Variants in AVIL observed in about 807,000 individuals in gnomAD.
The protein encoded by AVIL is advillin.
AVIL carries 78 observed loss-of-function variants against 109.9 expected under a neutral mutation model. The ratio of observed to expected loss-of-function variants is 0.71; its 90% CI spans 0.59 to 0.86. The LOEUF (loss-of-function observed/expected upper bound fraction) is 0.86, where lower values mean the gene tolerates loss of function less well. Ranked by LOEUF, AVIL falls within the 40% of genes least tolerant of loss-of-function variation. The pLI is 0.00. For synonymous variants in AVIL, 367 were observed against 379.1 expected (o/e 0.97, Z 0.37); for missense variants, 892 against 1,016.5 (o/e 0.88, Z 1.67).
rs1595170544 is a variant in AVIL at position 57,809,621 on chromosome 12, T to C, written c.915A>G (p.Lys305=). ...WKGKGATKAE[K]QAAMSKALGF... ...CCAGCGCTTTAGACATGGCTGCCTG[T>C]TTTTCAGCCTTTGTGGCTCCTTTTC... The change falls in exon 9 of 20, where the codon AAA becomes AAG. Residue 305 remains lysine, a synonymous_variant. Coordinates refer to ENST00000549994, the MANE Select transcript of AVIL (RefSeq NM_006576.4). 2 of 1,614,240 alleles carry C rather than the reference T, an allele frequency of 1.2e-6. No homozygotes were observed. The highest frequency in any genetic ancestry group is 1.7e-6 in the Non-Finnish European group (2 of 1,180,046).
chr12:57,799,224 A>G (rs976599194), intron 19 of AVIL, among the ~76,000 whole-genome samples: 1 of 152,202 alleles, frequency 6.6e-6, no homozygotes, highest in East Asian at 1.9e-4. Flanking sequence ...TGGGAGAAGG[A>G]TGTTTTTTCA....
At chr12:57,799,205 GTGA>G (rs1955796898) in intron 19 of AVIL, among the ~76,000 whole-genome samples, 1 of 152,200 alleles carries the variant, frequency 6.6e-6, no homozygotes, top group Non-Finnish European at 1.5e-5. Context: ...TGCTGGTGCT[GTGA>G]TGATTTGGGA....
intron 3 of AVIL, among the ~76,000 whole-genome samples, chr12:57,813,630 T>C (rs1956066314): frequency 6.6e-6 from 1 of 152,234 alleles, no homozygotes; most frequent in African/African-American, 2.4e-5. Context: ...CTCCCCGCAT[T>C]TGGGGAAAGT....
intron 14 of AVIL, chr12:57,806,130 C>T: frequency 5.0e-6 from 2 of 401,924 alleles, no homozygotes; most frequent in Middle Eastern, 7.3e-4. Flanking sequence ...CCACCGTGCC[C>T]AGCTTTTTTT....
chr12:57,809,364 G>A (rs577964875), intron 9 of AVIL, among the ~76,000 whole-genome samples: 3 of 152,346 alleles, frequency 2.0e-5, no homozygotes, highest in Admixed American at 2.0e-4. Flanking sequence ...TGACCCCCAT[G>A]TTAGATATGG....
chr12:57,810,686 A>C (rs1956025084), intron 6 of AVIL, 130 bp downstream of exon 6: 1 of 1,372,448 alleles, frequency 7.3e-7, no homozygotes, highest in Non-Finnish European at 1.0e-6. Flanking sequence ...TCACAAACTC[A>C]CACACTTGGC....
rs1044691898 is a variant in AVIL at position 57,797,694 on chromosome 12, T to C, written c.*188A>G. 5.6e-6 allele frequency: 4 copies of C among 713,800 alleles called. No homozygotes were observed. The South Asian group carries it at 2.1e-4, about 37-fold the overall frequency. 44.2% of individuals were successfully genotyped at this position (713,800 alleles called of 1,614,324 possible). On this transcript the variant is annotated 3_prime_UTR_variant, in exon 20 of 20. Coordinates refer to ENST00000549994, the MANE Select transcript of AVIL (RefSeq NM_006576.4). ...AACCCAAAAACTATATGGTTAACATTTTAGGTATATAACAAGCAAGGAATG... is the reference window on the plus strand; with the variant it reads ...AACCCAAAAACTATATGGTTAACATCTTAGGTATATAACAAGCAAGGAATG...
chr12:57,814,935 T>C (rs1281853395), intron 2 of AVIL: 2 of 152,374 alleles, frequency 1.3e-5, no homozygotes, highest in African/African-American at 2.4e-5. Context: ...AACCGTGTTT[T>C]AGTACTTGTT....
At chr12:57,807,880 CAT>C in intron 11 of AVIL, 153 bp from the exon 12 acceptor site, 1 of 1,115,330 alleles carries the variant, frequency 9.0e-7, no homozygotes, top group Non-Finnish European at 1.3e-6. Flanking sequence ...GGACTCATCA[CAT>C]TTGCATGATT....
Position 57,809,800 on chromosome 12 carries a change from A to G in AVIL, c.840+12T>C. On this transcript the variant is annotated intron_variant, in intron 8 of 19. Transcript: ENST00000549994. ...GGCTACCCCAAGCTAAGTCCACCCA[A>G]ACTCTACTTACATCATGGTTCAGTA... 6.2e-7 allele frequency: 1 copy of G among 1,614,040 alleles called. No individual in the cohort carries two copies. The highest frequency in any genetic ancestry group is 1.3e-5 in the African/African-American group (1 of 75,016).
chr12:57,814,829 T>C (rs2140461216), intron 2 of AVIL: 1 of 152,682 alleles, frequency 6.5e-6, no homozygotes, highest in East Asian at 1.9e-4. Context: ...TTGATGTAGA[T>C]TTTCATCACA....
chr12:57,801,036 G>T (rs1955836725), intron 18 of AVIL, 108 bp downstream of exon 18: 2 of 847,596 alleles, frequency 2.4e-6, no homozygotes, highest in Non-Finnish European at 3.8e-6. Context: ...GACAACTATG[G>T]TAATACTAAG....
rs778614635 is a variant in AVIL, at chr12:57,811,110, A to C, written c.356T>G (p.Val119Gly). ...CTCCACGTGCTTCATCCCAGAGGCG[A>C]CACCCCCCTGCTTGTAGCTAAGGGA... Reference protein sequence around the residue: ...KQGIIYKQGGVASGMKHVETN... With the variant: ...KQGIIYKQGGGASGMKHVETN... Residue 119 changes from valine to glycine, a missense_variant, in exon 5 of 20, where the codon GTC becomes GGC. Physicochemically the swap from Val to Gly is moderately radical, Grantham distance 109. Coordinates refer to ENST00000549994, the MANE Select transcript of AVIL (RefSeq NM_006576.4). The C allele has an allele frequency of 3.1e-6, 5 of 1,614,022 alleles. No homozygotes were observed. The highest frequency in any genetic ancestry group is 4.2e-6 in the Non-Finnish European group (5 of 1,180,012).
At chr12:57,803,455 G>A in intron 15 of AVIL, 64 bp from the exon 16 acceptor site, 1 of 1,613,584 alleles carries the variant, frequency 6.2e-7, no homozygotes, top group African/African-American at 1.3e-5. Context: ...TGAGGTTTTA[G>A]CCTTTGTGCA....
At chr12:57,800,358 T>G (rs561566643) in intron 18 of AVIL, 1 of 158,164 alleles carries the variant, frequency 6.3e-6, no homozygotes, top group Admixed American at 6.0e-5. Context: ...AAGGACAGAA[T>G]TGCCAGATGG....
rs189660976 is a variant in AVIL at position 57,803,397 on chromosome 12, A to G, written c.1818-6T>C. Reference sequence around the variant, plus strand: ...CTAGGATTTCCTGCTGAAGTCTGCAATATAGTCCATTTAAGGGCATCAAGC... The same window carrying G: ...CTAGGATTTCCTGCTGAAGTCTGCAGTATAGTCCATTTAAGGGCATCAAGC... On this transcript the variant is annotated splice_region_variant and splice_polypyrimidine_tract_variant and intron_variant, in intron 15 of 19. Coordinates refer to ENST00000549994, the MANE Select transcript of AVIL (RefSeq NM_006576.4). 94 of 1,614,212 alleles carry G rather than the reference A, an allele frequency of 5.8e-5. No homozygotes were observed. The highest frequency in any genetic ancestry group is 2.7e-4 in the Admixed American group (16 of 60,022).
Position 57,813,408 on chromosome 12 carries a change from T to A in AVIL, c.157A>T (p.Ser53Cys), listed in dbSNP as rs1437995868. ...YVILSTRRVA[S>C]LLSQDIHFWI... ...AAGTGGATGTCCTGGGATAGGAGACTGGCCACTCTCCGGGTCTGGGAGGTA... is the reference window on the plus strand; with the variant it reads ...AAGTGGATGTCCTGGGATAGGAGACAGGCCACTCTCCGGGTCTGGGAGGTA... The change falls in exon 4 of 20, where the codon AGT becomes TGT. Residue 53 changes from serine (S) to cysteine (C), a missense_variant. Ser to Cys is a moderately radical substitution (Grantham distance 112). Transcript: ENST00000549994. 1.9e-6 allele frequency: 3 copies of A among 1,613,806 alleles called. No homozygotes were observed. The highest frequency in any genetic ancestry group is 2.5e-6 in the Non-Finnish European group (3 of 1,179,972).
At position 57,806,544 on chromosome 12, in the gene AVIL, A is replaced by G; in HGVS notation, c.1492-5T>C. Reference sequence around the variant, plus strand: ...TCCCTTCCTGGAAGTCCCACCCTAGAGAGAAGAAAAGCAGAGTCCAGATCT... The same window carrying G: ...TCCCTTCCTGGAAGTCCCACCCTAGGGAGAAGAAAAGCAGAGTCCAGATCT... On this transcript the variant is annotated splice_region_variant and splice_polypyrimidine_tract_variant and intron_variant, in intron 13 of 19. Transcript: ENST00000549994. 1 of 1,613,796 alleles carries G rather than the reference A, an allele frequency of 6.2e-7. No homozygotes were observed.
chr12:57,809,781 C>A, intron 8 of AVIL, 31 bp downstream of exon 8: 1 of 1,613,658 alleles, frequency 6.2e-7, no homozygotes, highest in Non-Finnish European at 8.5e-7. Context: ...GTCTGGCTAC[C>A]CCAAGCTAAG....
Sources: gnomAD v4.1 joint callset for allele counts (sites outside exome capture counted in the v4.1 genomes callset) on GRCh38, gnomAD v4.1.1 for gene constraint, MANE v1.5 for transcripts, NCBI Gene and HGNC (gene_info 2026-07-23, HGNC 2026-07-21) for gene names.